Variants in AFF3 observed in about 807,000 individuals in gnomAD.
AFF3 encodes AF4/FMR2 family member 3.
In AFF3, 32 loss-of-function variants were observed where a neutral mutation model predicts 129.7. The observed-to-expected ratio is 0.25, with a 90% CI of 0.19 to 0.33. The LOEUF (loss-of-function observed/expected upper bound fraction) is 0.33, where lower values mean the gene tolerates loss of function less well. AFF3 is among the 10% of genes least tolerant of loss of function. The probability of loss-of-function intolerance (pLI) is 1.00; values close to 1 mark genes in which losing one functional copy is unlikely to be tolerated. For synonymous variants in AFF3, 644 were observed against 635.4 expected, an observed-to-expected ratio of 1.01 and a Z score of -0.20; for missense variants, 1,373 against 1,592.0, an observed-to-expected ratio of 0.86 and a Z score of 2.34.
At chr2:99,867,575 T>TAA (rs558832878) in intron 7 of AFF3, among the ~76,000 whole-genome samples, 39,689 of 97,698 alleles carry the variant, frequency 0.41, 5,984 homozygotes, top group East Asian at 0.57. Flanking sequence ...TATTTCTATA[T>TAA]TAAAAAAAAA....
intron 8 of AFF3, among the ~76,000 whole-genome samples, chr2:99,754,310 A>T (rs1332444272): frequency 6.6e-6 from 1 of 152,198 alleles, no homozygotes; most frequent in Non-Finnish European, 1.5e-5. Context: ...TCCCACTGCT[A>T]ATCAGCCACT....
chr2:99,671,342 G>A (rs1181166307), intron 12 of AFF3, among the ~76,000 whole-genome samples: 1 of 152,102 alleles, frequency 6.6e-6, no homozygotes, highest in African/African-American at 2.4e-5. Flanking sequence ...TAAAACACTC[G>A]AAGCCTGAGT....
chr2:99,708,212 A>C (rs560402075), intron 11 of AFF3, among the ~76,000 whole-genome samples: 12 of 152,336 alleles, frequency 7.9e-5, no homozygotes, highest in Admixed American at 2.6e-4. Flanking sequence ...ATCTGGCAAC[A>C]CTACTTTGGA....
At chr2:100,115,373 C>G (rs1446297597) in intron 2 of AFF3, among the ~76,000 whole-genome samples, 1 of 152,028 alleles carries the variant, frequency 6.6e-6, no homozygotes, top group African/African-American at 2.4e-5. Context: ...CATGGTGAAA[C>G]CTCGTTTCTA....
intron 13 of AFF3, among the ~76,000 whole-genome samples, chr2:99,642,932 CAA>C (rs1684342029): frequency 6.6e-6 from 1 of 151,780 alleles, no homozygotes; most frequent in African/African-American, 2.4e-5. Flanking sequence ...CTAAAGCTCT[CAA>C]AGTTTTTATT....
chr2:100,133,634 T>C (rs1185369890), intron 1 of AFF3, among the ~76,000 whole-genome samples: 1 of 152,144 alleles, frequency 6.6e-6, no homozygotes, highest in South Asian at 2.1e-4. Flanking sequence ...TCCAACTTTT[T>C]TTCACTTAAT....
chr2:99,762,063 A>G (rs985220002), intron 8 of AFF3, among the ~76,000 whole-genome samples: 2 of 151,448 alleles, frequency 1.3e-5, no homozygotes, highest in Non-Finnish European at 2.9e-5. Context: ...CTGTCTGTGA[A>G]GGTGACCTGT....
chr2:99,548,881 G>A lies in AFF3; in HGVS notation c.*2593C>T. 1 of 232,824 alleles carries A rather than the reference G, an allele frequency of 4.3e-6. No individual in the cohort carries two copies. Among genetic ancestry groups the A allele is most frequent in the Non-Finnish European group, 8.5e-6 (1 of 117,756 alleles). 14.4% of individuals were successfully genotyped at this position (232,824 alleles called of 1,614,324 possible). A position where few individuals can be genotyped will look rare whatever the true frequency, so the allele number is the denominator to read the frequency against. On this transcript the variant is annotated 3_prime_UTR_variant, in exon 25 of 25. Coordinates refer to ENST00000672756, the MANE Select transcript of AFF3 (RefSeq NM_001386135.1). The stretch of plus-strand genomic sequence containing the variant: ...CATGCCAAACCCCACAGAAACTGCT[G>A]TACCAACGTGCTCCACACGTGCTCC...
At chr2:99,995,389 T>C (rs1680744540) in intron 7 of AFF3, among the ~76,000 whole-genome samples, 2 of 152,116 alleles carry the variant, frequency 1.3e-5, no homozygotes, top group East Asian at 1.9e-4. Context: ...CTTTTTTTTT[T>C]TGAGACGGAG....
chr2:99,700,180 G>C (rs1289663552), intron 11 of AFF3, among the ~76,000 whole-genome samples: 2 of 151,608 alleles, frequency 1.3e-5, no homozygotes, highest in Non-Finnish European at 2.9e-5. Context: ...GAGTGCAGTG[G>C]TGCGATCTCA....
chr2:100,103,620 T>C (rs1464629370), intron 4 of AFF3, among the ~76,000 whole-genome samples: 3 of 151,424 alleles, frequency 2.0e-5, no homozygotes, highest in East Asian at 2.0e-4. Context: ...CCAGCGGCGA[T>C]TTACCTACAG....
intron 2 of AFF3, chr2:100,106,079 TAGA>T: frequency 7.7e-7 from 1 of 1,300,672 alleles, no homozygotes; most frequent in Non-Finnish European, 1.0e-6. Flanking sequence ...AGGACACAGG[TAGA>T]AGACCAAAAG....
intron 20 of AFF3, among the ~76,000 whole-genome samples, chr2:99,563,189 CTTT>C (rs377014107): frequency 1.4e-4 from 21 of 145,456 alleles, no homozygotes; most frequent in Non-Finnish European, 2.9e-4. Flanking sequence ...ATGCTGTTTT[CTTT>C]TTTTTTTTTC....
chr2:99,985,967 G>A (rs1230310686), intron 7 of AFF3, among the ~76,000 whole-genome samples: 3 of 152,006 alleles, frequency 2.0e-5, no homozygotes, highest in African/African-American at 7.2e-5. Flanking sequence ...TTGGGAGGCC[G>A]AGGTGGGCGG....
intron 7 of AFF3, among the ~76,000 whole-genome samples, chr2:99,865,364 A>G (rs1691314453): frequency 6.6e-6 from 1 of 152,216 alleles, no homozygotes; most frequent in African/African-American, 2.4e-5. Context: ...GGCTCTAGAG[A>G]CAGAGAGTGG....
Position 99,613,895 on chromosome 2 carries a change from T to A in AFF3, c.1185-12274A>T, listed in dbSNP as rs532528828. Among the ~76,000 whole-genome samples the A allele has an allele frequency of 3.9e-5, 6 of 152,348 alleles. No individual in the cohort carries two copies. In the South Asian group the frequency reaches 1.2e-3, roughly 32 times the overall value. On this transcript the variant is annotated intron_variant, in intron 13 of 24. Transcript: ENST00000672756. ...AGTTTTTAAGTCTTGTTTGATCAAA[T>A]AGTCATTTAGAAGAATGCTTTTCAA... is the stretch of plus-strand genomic sequence containing the variant.
chr2:99,575,827 A>G (rs1676938009), intron 18 of AFF3, among the ~76,000 whole-genome samples: 1 of 152,196 alleles, frequency 6.6e-6, no homozygotes, highest in African/African-American at 2.4e-5. Context: ...TGGGAAGAAC[A>G]AATGATAACA....
At chr2:99,782,061 G>A (rs10174396) in intron 8 of AFF3, among the ~76,000 whole-genome samples, 15,184 of 152,148 alleles carry the variant, frequency 0.1, 2,357 homozygotes, top group African/African-American at 0.33. Context: ...CACTAAAAAC[G>A]ATCGCTTCAG....
chr2:99,870,377 C>T (rs1323125926), intron 7 of AFF3, among the ~76,000 whole-genome samples: 2 of 152,246 alleles, frequency 1.3e-5, no homozygotes, highest in Non-Finnish European at 2.9e-5. Context: ...TCTGCAGCCA[C>T]GTAGGCCCCT....
Sources: gnomAD v4.1 joint callset for allele counts (sites outside exome capture counted in the v4.1 genomes callset) on GRCh38, gnomAD v4.1.1 for gene constraint, MANE v1.5 for transcripts, NCBI Gene and HGNC (gene_info 2026-07-23, HGNC 2026-07-21) for gene names.